Variants in EFNA5 observed in about 807,000 individuals in gnomAD.
EFNA5 encodes ephrin A5.
In EFNA5, 5 loss-of-function variants were observed where a neutral mutation model predicts 22.9. That is an observed-to-expected ratio of 0.22 (90% confidence interval 0.11 to 0.46). The LOEUF is 0.46. Among genes scored for constraint, EFNA5 ranks in the 20% least tolerant of loss-of-function variants. The pLI, the probability that EFNA5 is intolerant of heterozygous loss-of-function variation, is 0.99. For missense variants in EFNA5, 237 were observed against 293.3 expected (o/e 0.81, Z 1.40); for synonymous variants, 113 against 112.2 (o/e 1.01, Z -0.04).
chr5:107,643,038 T>A (rs995417675), intron 1 of EFNA5, among the ~76,000 whole-genome samples: 4 of 151,836 alleles, frequency 2.6e-5, no homozygotes, highest in Non-Finnish European at 5.9e-5. Context: ...TTAAAAGGCA[T>A]ATATTGAGAC....
chr5:107,569,441 T>C (rs961532327), intron 1 of EFNA5, among the ~76,000 whole-genome samples: 1 of 122,086 alleles, frequency 8.2e-6, no homozygotes, highest in South Asian at 2.2e-4. Flanking sequence ...ATATATATAT[T>C]TATATATGTG....
chr5:107,564,065 T>C (rs1290838922), intron 1 of EFNA5, among the ~76,000 whole-genome samples: 2 of 152,106 alleles, frequency 1.3e-5, no homozygotes, highest in African/African-American at 2.4e-5. Flanking sequence ...CGCCTGCTAT[T>C]TTCCTCCTCA....
intron 1 of EFNA5, among the ~76,000 whole-genome samples, chr5:107,639,805 A>C (rs558377478): frequency 6.6e-6 from 1 of 152,308 alleles, no homozygotes; most frequent in African/African-American, 2.4e-5. Flanking sequence ...CTTAAAAAAA[A>C]CCCAGTGCCA....
intron 1 of EFNA5, among the ~76,000 whole-genome samples, chr5:107,662,790 T>TAA (rs5870277): frequency 0.01 from 1,381 of 133,354 alleles, 25 homozygotes; most frequent in African/African-American, 0.033. Flanking sequence ...CTTGAGTAAT[T>TAA]AAAAAAAAAA....
At chr5:107,544,112 GC>G (rs1244971197) in intron 1 of EFNA5, among the ~76,000 whole-genome samples, 1 of 151,892 alleles carries the variant, frequency 6.6e-6, no homozygotes, top group Non-Finnish European at 1.5e-5. Flanking sequence ...CTTGCGAATC[GC>G]CCCTGGTGGG....
At chr5:107,535,750 G>A (rs964788567) in intron 1 of EFNA5, among the ~76,000 whole-genome samples, 9 of 152,062 alleles carry the variant, frequency 5.9e-5, no homozygotes, top group Admixed American at 2.0e-4. Context: ...TCTCGAGGTC[G>A]TTATGGGCAA....
intron 1 of EFNA5, among the ~76,000 whole-genome samples, chr5:107,430,970 T>A (rs1213737597): frequency 1.3e-5 from 2 of 152,030 alleles, no homozygotes; most frequent in Non-Finnish European, 2.9e-5. Context: ...GAGACAGGGT[T>A]TCACCATGTT....
intron 1 of EFNA5, among the ~76,000 whole-genome samples, chr5:107,459,603 C>A (rs1048355494): frequency 1.3e-5 from 2 of 152,130 alleles, no homozygotes; most frequent in African/African-American, 4.8e-5. Context: ...GACAGTGCTG[C>A]AAAAATTATC....
intron 1 of EFNA5, among the ~76,000 whole-genome samples, chr5:107,495,300 GC>G (rs983918963): frequency 7.9e-5 from 12 of 151,718 alleles, no homozygotes; most frequent in Non-Finnish European, 1.5e-4. Context: ...CAGACGAGCC[GC>G]CTTAAGAGCT....
intron 1 of EFNA5, among the ~76,000 whole-genome samples, chr5:107,542,745 T>C (rs928619014): frequency 6.6e-6 from 1 of 152,166 alleles, no homozygotes; most frequent in Non-Finnish European, 1.5e-5. Context: ...TCTAGAGAGA[T>C]GTCTATTAGC....
At position 107,488,986 on chromosome 5, in the gene EFNA5, C is replaced by T. The variant is rs375655318; in HGVS notation, c.126-61477G>A. On this transcript the variant is annotated intron_variant, in intron 1 of 4. Coordinates refer to ENST00000333274, the MANE Select transcript of EFNA5 (RefSeq NM_001962.3). ...GATTACAGGCATGAGCCACTGCGCC[C>T]GGCCACAAAAAAACCTCTTTTAAGA... Among the ~76,000 whole-genome samples, 15 of 152,024 alleles carry T rather than the reference C, an allele frequency of 9.9e-5. No homozygotes were observed. In the East Asian group the frequency reaches 1.7e-3, roughly 18 times the overall value.
Position 107,670,636 on chromosome 5 carries a change from C to T in EFNA5, c.-23G>A, listed in dbSNP as rs767936434. On this transcript the variant is annotated 5_prime_UTR_variant, in exon 1 of 5. Transcript: ENST00000333274. ...CATCACGCCTGGCCAGCGGCGGAGCCCCCGACGCGCCACTCCGGGGAGAGA... is the reference window on the plus strand; with the variant it reads ...CATCACGCCTGGCCAGCGGCGGAGCTCCCGACGCGCCACTCCGGGGAGAGA... The T allele has an allele frequency of 2.1e-5, 34 of 1,595,704 alleles. No homozygotes were observed. In the Admixed American group the frequency reaches 3.4e-4, roughly 16 times the overall value.
intron 1 of EFNA5, among the ~76,000 whole-genome samples, chr5:107,469,663 T>A (rs1455349420): frequency 3.3e-5 from 5 of 152,120 alleles, no homozygotes. Flanking sequence ...CCCTTTATTT[T>A]TTTTTTTTAC....
chr5:107,408,820 C>T (rs553296537), intron 2 of EFNA5, among the ~76,000 whole-genome samples: 2 of 152,346 alleles, frequency 1.3e-5, no homozygotes, highest in South Asian at 2.1e-4. Flanking sequence ...ATTCCTCCTT[C>T]CCTTCCTTGT....
intron 1 of EFNA5, among the ~76,000 whole-genome samples, chr5:107,664,702 T>C (rs1342619088): frequency 1.3e-5 from 2 of 152,146 alleles, no homozygotes; most frequent in Non-Finnish European, 2.9e-5. Context: ...TTTCCTCAGT[T>C]CAGAAAGCGG....
chr5:107,647,714 A>C (rs1750655048), intron 1 of EFNA5, among the ~76,000 whole-genome samples: 1 of 152,190 alleles, frequency 6.6e-6, no homozygotes, highest in East Asian at 1.9e-4. Context: ...TGCTGCTCAC[A>C]AATCAATCTA....
chr5:107,403,043 G>A (rs78937162), intron 2 of EFNA5, among the ~76,000 whole-genome samples: 6 of 152,274 alleles, frequency 3.9e-5, no homozygotes, highest in Admixed American at 3.3e-4. Flanking sequence ...GCTGTGCCTC[G>A]CAGCAGGGGG....
chr5:107,386,434 A>G (rs778912998), intron 4 of EFNA5, among the ~76,000 whole-genome samples: 21 of 152,144 alleles, frequency 1.4e-4, no homozygotes, highest in Non-Finnish European at 5.9e-5. Flanking sequence ...AACCGAATGG[A>G]TATTTACAGG....
At chr5:107,515,509 G>C (rs1747457852) in intron 1 of EFNA5, among the ~76,000 whole-genome samples, 1 of 151,662 alleles carries the variant, frequency 6.6e-6, no homozygotes. Flanking sequence ...CTCCCTAGTA[G>C]CTGGGACTAC....
Sources: allele counts gnomAD v4.1 joint callset (sites outside exome capture counted in the v4.1 genomes callset), GRCh38; gene constraint gnomAD v4.1.1; transcripts MANE v1.5; gene names NCBI Gene and HGNC (gene_info 2026-07-23, HGNC 2026-07-21).